Variants in FHOD3 observed in about 807,000 individuals in gnomAD.
FHOD3 encodes the protein formin homology 2 domain containing 3.
In FHOD3, 90 loss-of-function variants were observed where a neutral mutation model predicts 173.0. That is an observed-to-expected ratio of 0.52 (90% CI 0.44 to 0.62). The LOEUF (loss-of-function observed/expected upper bound fraction) is 0.62, where lower values mean the gene tolerates loss of function less well. Among genes scored for constraint, FHOD3 ranks in the 20% least tolerant of loss-of-function variants. FHOD3 has a pLI of 0.00. For synonymous variants in FHOD3, 828 were observed against 823.0 expected (o/e 1.01, Z -0.10); for missense variants, 1,945 against 2,034.7 (o/e 0.96, Z 0.85).
intron 13 of FHOD3, among the ~76,000 whole-genome samples, chr18:36,654,668 C>T (rs529601695): frequency 1.8e-4 from 28 of 152,236 alleles, no homozygotes; most frequent in Middle Eastern, 3.4e-3. Context: ...CAGGTGGGCA[C>T]GTAGACAGAG....
chr18:36,639,461 A>G (rs147324915), intron 10 of FHOD3, among the ~76,000 whole-genome samples: 26 of 152,300 alleles, frequency 1.7e-4, no homozygotes, highest in South Asian at 6.2e-4. Flanking sequence ...TCACGAGGTC[A>G]GGAGATCAAG....
chr18:36,549,213 C>T (rs140157429), intron 5 of FHOD3, among the ~76,000 whole-genome samples: 3,073 of 152,224 alleles, frequency 0.02, 29 homozygotes, highest in Non-Finnish European at 0.027. Flanking sequence ...ATTTGCTATC[C>T]ATCCATCATC....
At chr18:36,421,312 G>T (rs1005058046) in intron 3 of FHOD3, among the ~76,000 whole-genome samples, 15 of 152,138 alleles carry the variant, frequency 9.9e-5, no homozygotes, top group African/African-American at 3.6e-4. Context: ...AGATACTTTT[G>T]AATTTACCAA....
chr18:36,680,607 G>A (rs777041042), intron 14 of FHOD3, among the ~76,000 whole-genome samples: 13 of 152,164 alleles, frequency 8.5e-5, no homozygotes, highest in Non-Finnish European at 1.6e-4. Flanking sequence ...AACATCTCCT[G>A]TGATACTCAC....
At chr18:36,597,806 G>GAAA (rs34629227) in intron 7 of FHOD3, among the ~76,000 whole-genome samples, 3 of 123,474 alleles carry the variant, frequency 2.4e-5, no homozygotes. Context: ...ACTAGCAGCT[G>GAAA]AAAAAAAAAA....
chr18:36,451,219 C>T (rs900706868), intron 3 of FHOD3, among the ~76,000 whole-genome samples: 2 of 152,188 alleles, frequency 1.3e-5, no homozygotes, highest in East Asian at 1.9e-4. Context: ...ATCTAATGAA[C>T]ATTTCATGGC....
At chr18:36,570,902 C>A (rs955072260) in intron 5 of FHOD3, among the ~76,000 whole-genome samples, 9 of 152,092 alleles carry the variant, frequency 5.9e-5, no homozygotes, top group Admixed American at 1.3e-4. Context: ...AAACATATGT[C>A]TAACATCATA....
In FHOD3 at chr18:36,653,021, G is replaced by GT. The variant is rs1008490908; in HGVS notation, c.1646+99dup. On this transcript the variant is annotated intron_variant, in intron 12 of 28. Transcript: ENST00000590592. Reference sequence around the variant, plus strand: ...CACCCCTTGGCTTGGCTTCTGCCATGTTTTTTTGTGGATTTCAGCCCAAGC... The same window carrying GT: ...CACCCCTTGGCTTGGCTTCTGCCATGTTTTTTTTGTGGATTTCAGCCCAAGC... 64 of 1,432,772 alleles carry GT rather than the reference G, an allele frequency of 4.5e-5. No individual in the cohort carries two copies. In the African/African-American group the frequency reaches 7.6e-4, roughly 17 times the overall value. The allele number at this position is 1,432,772 out of a possible 1,614,324, so 88.8% of individuals were successfully genotyped here.
intron 3 of FHOD3, among the ~76,000 whole-genome samples, chr18:36,485,978 C>T (rs949242): frequency 0.1 from 15,291 of 152,178 alleles, 852 homozygotes; most frequent in East Asian, 0.22. Context: ...ATGACTAGGG[C>T]CCTCCTCTGT....
At chr18:36,399,254 C>T (rs921812808) in intron 3 of FHOD3, among the ~76,000 whole-genome samples, 3 of 152,104 alleles carry the variant, frequency 2.0e-5, no homozygotes, top group Admixed American at 6.5e-5. Flanking sequence ...GTGTCCTGTT[C>T]GTTTGTCCCA....
At chr18:36,312,865 T>G (rs1367429092) in intron 1 of FHOD3, among the ~76,000 whole-genome samples, 1 of 152,206 alleles carries the variant, frequency 6.6e-6, no homozygotes, top group Non-Finnish European at 1.5e-5. Context: ...TCTCACAGTT[T>G]CCTTGGGCCA....
intron 3 of FHOD3, among the ~76,000 whole-genome samples, chr18:36,397,864 C>A (rs2048627874): frequency 6.6e-6 from 1 of 152,166 alleles, no homozygotes; most frequent in Non-Finnish European, 1.5e-5. Flanking sequence ...TTCTAGGCAG[C>A]AGAAAGGAGG....
intron 3 of FHOD3, among the ~76,000 whole-genome samples, chr18:36,493,851 GA>G (rs1216763117): frequency 6.6e-6 from 1 of 152,222 alleles, no homozygotes; most frequent in Non-Finnish European, 1.5e-5. Context: ...TCCCTGAGCA[GA>G]GGAGAGGCTC....
At chr18:36,712,769 G>A (rs959246564) in intron 18 of FHOD3, among the ~76,000 whole-genome samples, 5 of 151,208 alleles carry the variant, frequency 3.3e-5, no homozygotes, top group African/African-American at 1.2e-4. Flanking sequence ...AGGAAGCTGA[G>A]CAAACCCCAA....
At chr18:36,674,505 A>G (rs1222439492) in intron 14 of FHOD3, among the ~76,000 whole-genome samples, 2 of 152,102 alleles carry the variant, frequency 1.3e-5, no homozygotes, top group East Asian at 3.9e-4. Flanking sequence ...TCAGCCTCCC[A>G]TGGCTCTTCC....
At chr18:36,742,601 G>A (rs1224239000) in intron 21 of FHOD3, 136 bp from the exon 22 acceptor site, 7 of 949,638 alleles carry the variant, frequency 7.4e-6, no homozygotes, top group Non-Finnish European at 9.4e-6. Context: ...TCCATACCTA[G>A]GAGCAATGCC....
At chr18:36,613,394 C>T (rs531088460) in intron 9 of FHOD3, among the ~76,000 whole-genome samples, 2 of 152,238 alleles carry the variant, frequency 1.3e-5, no homozygotes, top group South Asian at 2.1e-4. Context: ...AATGCCCTCA[C>T]GGTATTGAAA....
chr18:36,450,111 A>T (rs1341532532), intron 3 of FHOD3, among the ~76,000 whole-genome samples: 2 of 152,128 alleles, frequency 1.3e-5, no homozygotes, highest in Non-Finnish European at 2.9e-5. Flanking sequence ...CCATTGTATC[A>T]TTCTTAGATC....
chr18:36,484,169 A>G (rs781578698), intron 3 of FHOD3, among the ~76,000 whole-genome samples: 18 of 152,262 alleles, frequency 1.2e-4, no homozygotes, highest in Non-Finnish European at 2.1e-4. Context: ...CCAGCTGTGG[A>G]TAATTCTTAG....
Sources: allele counts gnomAD v4.1 joint callset (sites outside exome capture counted in the v4.1 genomes callset), GRCh38; gene constraint gnomAD v4.1.1; transcripts MANE v1.5; gene names NCBI Gene and HGNC (gene_info 2026-07-23, HGNC 2026-07-21).